Variants in SLC22A24 observed in about 807,000 individuals in gnomAD.
SLC22A24 encodes the protein solute carrier family 22 member 24.
Under a neutral mutation model 49.8 loss-of-function variants are expected in SLC22A24, and 53 were observed. The observed-to-expected ratio is 1.06, with a 90% confidence interval of 0.85 to 1.34. The LOEUF (loss-of-function observed/expected upper bound fraction) is 1.34. Ranked by LOEUF, SLC22A24 falls within the 40% of genes most tolerant of loss-of-function variation. The pLI, the probability that SLC22A24 is intolerant of heterozygous loss-of-function variation, is 0.00. For missense variants in SLC22A24, 786 were observed against 675.9 expected (o/e 1.16, Z -1.81); for synonymous variants, 302 against 256.4 (o/e 1.18, Z -1.70).
intron 6 of SLC22A24, among the ~76,000 whole-genome samples, chr11:63,083,941 G>T (rs2086973543): frequency 6.6e-6 from 1 of 151,990 alleles, no homozygotes; most frequent in Non-Finnish European, 1.5e-5. Context: ...CTTTACCTTA[G>T]TCTTAGTAAT....
intron 2 of SLC22A24, among the ~76,000 whole-genome samples, chr11:63,127,505 T>G (rs1279216857): frequency 2.0e-5 from 3 of 152,184 alleles, no homozygotes; most frequent in African/African-American, 7.2e-5. Context: ...GGAATGTGAT[T>G]GCTGGGTCAA....
intron 4 of SLC22A24, 111 bp from the exon 5 acceptor site, chr11:63,104,409 T>C: frequency 1.6e-6 from 2 of 1,239,866 alleles, no homozygotes; most frequent in Non-Finnish European, 2.2e-6. Context: ...TAAATTATAG[T>C]AGAGTCATTT....
At position 63,083,359 on chromosome 11, in the gene SLC22A24, A is replaced by G. The variant is rs1408397046; in HGVS notation, c.1169T>C (p.Phe390Ser). 1 of 1,552,842 alleles carries G rather than the reference A, an allele frequency of 6.4e-7. No homozygotes were observed. Among genetic ancestry groups the G allele is most frequent in the Non-Finnish European group, 8.7e-7 (1 of 1,147,470 alleles). ...CAAAAGGGAAACACATCTGGCTGTG[A>G]ATGTGACAGCTCCACAGAGAATCTG... ...LFQILCGAVT[F>S]TARCVSLLTL... Residue 390 changes from phenylalanine (F) to serine (S), a missense_variant, in exon 7 of 10, where the codon TTC becomes TCC. Phe to Ser is a radical substitution (Grantham distance 155). Coordinates refer to ENST00000612278, the MANE Select transcript of SLC22A24 (RefSeq NM_001136506.2).
intron 4 of SLC22A24, among the ~76,000 whole-genome samples, chr11:63,113,587 G>T (rs550707433): frequency 6.6e-6 from 1 of 151,994 alleles, no homozygotes; most frequent in South Asian, 2.1e-4. Flanking sequence ...CGGGCACAGT[G>T]GCTCACACCT....
In SLC22A24 at chr11:63,083,272, A is replaced by G; in HGVS notation, c.1256T>C (p.Phe419Ser). The G allele has an allele frequency of 6.4e-7, 1 of 1,559,304 alleles. No homozygotes were observed. Among genetic ancestry groups the G allele is most frequent in the Non-Finnish European group, 8.7e-7 (1 of 1,150,562 alleles). The change falls in exon 7 of 10, where the codon TTC becomes TCC. Residue 419 changes from phenylalanine to serine, a missense_variant. Physicochemically the swap from Phe to Ser is radical, Grantham distance 155. Coordinates refer to ENST00000612278, the MANE Select transcript of SLC22A24 (RefSeq NM_001136506.2). ...GGGCAAAAAGGTGTTGACCAGAATGAAAAGTCCCACCGGGAACGTGAACAA... is the reference window on the plus strand; with the variant it reads ...GGGCAAAAAGGTGTTGACCAGAATGGAAAGTCCCACCGGGAACGTGAACAA... ...QILFTFPVGLFILVNTFLPQE... is the reference protein window; with the variant it reads ...QILFTFPVGLSILVNTFLPQE...
In SLC22A24 at chr11:63,109,736, T is replaced by C. The variant is rs1183328845; in HGVS notation, c.831-5438A>G. ...AAATTTGCTTGAGTTCATTGTAGAT[T>C]CTGGATATTAGCCCTTTGTCAGATG... On this transcript the variant is annotated intron_variant, in intron 4 of 9. Transcript: ENST00000612278. Among the ~76,000 whole-genome samples the C allele has an allele frequency of 4.6e-5, 7 of 152,224 alleles. No individual in the cohort carries two copies. In the South Asian group the frequency reaches 6.2e-4, roughly 14 times the overall value.
chr11:63,099,988 TAA>T (rs2134648241), intron 5 of SLC22A24, among the ~76,000 whole-genome samples: 1 of 152,206 alleles, frequency 6.6e-6, no homozygotes, highest in African/African-American at 2.4e-5. Context: ...GGATAAAAAC[TAA>T]AAGTCTTATC....
intron 2 of SLC22A24, among the ~76,000 whole-genome samples, chr11:63,121,319 A>T (rs138797965): frequency 1.3e-4 from 20 of 152,316 alleles, no homozygotes; most frequent in African/African-American, 4.6e-4. Flanking sequence ...AGTAAAAAAA[A>T]TTCTCATAGT....
chr11:63,086,561 T>C (rs2086988003), intron 6 of SLC22A24, among the ~76,000 whole-genome samples: 1 of 152,176 alleles, frequency 6.6e-6, no homozygotes, highest in South Asian at 2.1e-4. Flanking sequence ...AGTTTACCTA[T>C]ATAACAAGCC....
At chr11:63,133,122 G>A (rs1054226164) in intron 2 of SLC22A24, among the ~76,000 whole-genome samples, 3 of 152,206 alleles carry the variant, frequency 2.0e-5, no homozygotes, top group Admixed American at 1.3e-4. Context: ...CACCGAGCCA[G>A]GCATGCGAGG....
At chr11:63,137,587 T>A (rs1330706421) in intron 1 of SLC22A24, among the ~76,000 whole-genome samples, 1 of 152,212 alleles carries the variant, frequency 6.6e-6, no homozygotes, top group Non-Finnish European at 1.5e-5. Flanking sequence ...ATGTTTGAGC[T>A]TTGCCAGGCT....
intron 2 of SLC22A24, among the ~76,000 whole-genome samples, chr11:63,127,973 G>A (rs1415506346): frequency 6.6e-6 from 1 of 151,718 alleles, no homozygotes; most frequent in African/African-American, 2.4e-5. Flanking sequence ...AGTTTAATTA[G>A]TGTGGGCGGC....
intron 5 of SLC22A24, among the ~76,000 whole-genome samples, chr11:63,098,991 C>T (rs1041370053): frequency 5.3e-5 from 8 of 151,850 alleles, no homozygotes; most frequent in African/African-American, 1.9e-4. Flanking sequence ...CAACAGTATG[C>T]CAATACATTA....
intron 4 of SLC22A24, among the ~76,000 whole-genome samples, chr11:63,115,372 A>C (rs1425053909): frequency 6.6e-6 from 1 of 152,242 alleles, no homozygotes; most frequent in South Asian, 2.1e-4. Context: ...CCAGTGAGCC[A>C]GGCATGGGAG....
At chr11:63,121,070 ATAT>A (rs1187959795) in intron 2 of SLC22A24, among the ~76,000 whole-genome samples, 1 of 152,180 alleles carries the variant, frequency 6.6e-6, no homozygotes, top group Non-Finnish European at 1.5e-5. Context: ...TAGATACATG[ATAT>A]TATACTTTTG....
chr11:63,097,969 T>G (rs1039275351), intron 5 of SLC22A24, among the ~76,000 whole-genome samples: 1 of 151,902 alleles, frequency 6.6e-6, no homozygotes, highest in African/African-American at 2.4e-5. Flanking sequence ...ACCTAATGCA[T>G]GTGAAGCTTA....
At chr11:63,109,699 C>T (rs1231404355) in intron 4 of SLC22A24, among the ~76,000 whole-genome samples, 1 of 151,930 alleles carries the variant, frequency 6.6e-6, no homozygotes, top group East Asian at 1.9e-4. Context: ...GGGTTGTTTG[C>T]TTTTTTCTTG....
At chr11:63,080,559 A>C (rs1423292409) in intron 9 of SLC22A24, among the ~76,000 whole-genome samples, 2 of 152,200 alleles carry the variant, frequency 1.3e-5, no homozygotes, top group Admixed American at 6.5e-5. Context: ...TGTGTGATAA[A>C]ACCAGGGGAT....
chr11:63,093,408 C>T (rs1223489945), intron 6 of SLC22A24, among the ~76,000 whole-genome samples: 2 of 152,068 alleles, frequency 1.3e-5, no homozygotes, highest in Admixed American at 6.6e-5. Context: ...TTTATTGCAG[C>T]ACTATTTATA....
Sources: gnomAD v4.1 joint callset for allele counts (sites outside exome capture counted in the v4.1 genomes callset) on GRCh38, gnomAD v4.1.1 for gene constraint, MANE v1.5 for transcripts, NCBI Gene and HGNC (gene_info 2026-07-23, HGNC 2026-07-21) for gene names.